PDSS2: variants seen among roughly 807,000 people sequenced by gnomAD.
PDSS2 encodes the protein decaprenyl diphosphate synthase subunit 2.
In PDSS2, 31 loss-of-function variants were observed where a neutral mutation model predicts 44.5. The ratio of observed to expected loss-of-function variants is 0.70; its 90% CI spans 0.52 to 0.94. PDSS2 has a LOEUF of 0.94. PDSS2 is among the 40% of genes least tolerant of loss of function. The probability of loss-of-function intolerance (pLI) is 0.00; values close to 1 mark genes in which losing one functional copy is unlikely to be tolerated. For synonymous variants in PDSS2, 157 were observed against 180.3 expected, an observed-to-expected ratio of 0.87 and a Z score of 1.03; for missense variants, 452 against 482.2, an observed-to-expected ratio of 0.94 and a Z score of 0.59.
chr6:107,168,841 G>T (rs1462647060), intron 7 of PDSS2, among the ~76,000 whole-genome samples: 1 of 152,192 alleles, frequency 6.6e-6, no homozygotes, highest in Non-Finnish European at 1.5e-5. Context: ...TCTGCCGAGA[G>T]ATCCGCTGTT....
intron 1 of PDSS2, among the ~76,000 whole-genome samples, chr6:107,343,499 A>G (rs1033278171): frequency 6.6e-6 from 1 of 152,232 alleles, no homozygotes; most frequent in African/African-American, 2.4e-5. Context: ...CTGAAAACAT[A>G]ATGTAAAATT....
chr6:107,206,194 C>T (rs1436942815), intron 6 of PDSS2, among the ~76,000 whole-genome samples: 2 of 152,154 alleles, frequency 1.3e-5, no homozygotes, highest in Non-Finnish European at 2.9e-5. Context: ...GTCTCAGCCT[C>T]CCGAGTAGCT....
intron 1 of PDSS2, among the ~76,000 whole-genome samples, chr6:107,438,201 G>A (rs1323683913): frequency 6.6e-6 from 1 of 151,940 alleles, no homozygotes; most frequent in Non-Finnish European, 1.5e-5. Flanking sequence ...ACTTAGATCT[G>A]TTTTTATTTT....
At chr6:107,168,476 A>AT (rs761087138) in intron 7 of PDSS2, among the ~76,000 whole-genome samples, 169 of 151,852 alleles carry the variant, frequency 1.1e-3, no homozygotes, top group Non-Finnish European at 2.1e-3. Flanking sequence ...GCCCATTTAC[A>AT]TTTAAGGTTA....
intron 3 of PDSS2, among the ~76,000 whole-genome samples, chr6:107,260,567 TTA>T (rs2114876840): frequency 6.6e-6 from 1 of 152,250 alleles, no homozygotes; most frequent in Non-Finnish European, 1.5e-5. Context: ...TATGGCAATA[TTA>T]TATATAATAC....
intron 4 of PDSS2, among the ~76,000 whole-genome samples, chr6:107,240,098 C>T (rs767450980): frequency 4.6e-5 from 7 of 151,992 alleles, no homozygotes; most frequent in African/African-American, 1.7e-4. Flanking sequence ...AACTGGGGAA[C>T]TCTTGACCAT....
intron 1 of PDSS2, among the ~76,000 whole-genome samples, chr6:107,363,494 C>T (rs192886161): frequency 8.0e-4 from 122 of 151,876 alleles, no homozygotes; most frequent in African/African-American, 2.8e-3. Context: ...TGGAGTTGTT[C>T]GTTCCATCCC....
intron 2 of PDSS2, among the ~76,000 whole-genome samples, chr6:107,297,963 C>G (rs1776566512): frequency 6.6e-6 from 1 of 152,182 alleles, no homozygotes; most frequent in Non-Finnish European, 1.5e-5. Context: ...CCAGGCTGGT[C>G]TCGAACTCCT....
At chr6:107,457,633 A>C (rs562455543) in intron 1 of PDSS2, among the ~76,000 whole-genome samples, 25 of 152,310 alleles carry the variant, frequency 1.6e-4, no homozygotes, top group African/African-American at 6.0e-4. Flanking sequence ...AAATTGCCCC[A>C]GTTGAGAACC....
intron 7 of PDSS2, among the ~76,000 whole-genome samples, chr6:107,191,602 A>G (rs1772382500): frequency 1.3e-5 from 2 of 152,104 alleles, no homozygotes; most frequent in African/African-American, 4.8e-5. Context: ...CGACGCACCA[A>G]TGTAGACTCA....
At chr6:107,162,628 G>C (rs1334759976) in intron 7 of PDSS2, among the ~76,000 whole-genome samples, 1 of 35,454 alleles carries the variant, frequency 2.8e-5, no homozygotes, top group African/African-American at 1.9e-4. Context: ...TTTTTTTTGA[G>C]ATGGAGTCTC....
intron 6 of PDSS2, among the ~76,000 whole-genome samples, chr6:107,209,974 T>C (rs529285809): frequency 3.4e-4 from 52 of 151,806 alleles, no homozygotes; most frequent in Non-Finnish European, 6.9e-4. Flanking sequence ...CCATGCTTTT[T>C]TCCCCCCCGC....
intron 2 of PDSS2, among the ~76,000 whole-genome samples, chr6:107,316,660 A>G (rs1777211183): frequency 6.6e-6 from 1 of 152,078 alleles, no homozygotes; most frequent in Non-Finnish European, 1.5e-5. Context: ...AACAGGCCCT[A>G]TATATCTACT....
rs76824861 is a variant in PDSS2 at position 107,200,327 on chromosome 6, A to C, written c.1009-6473T>G. ...TTTTTACATTTTTGTATAGGCCTTC[A>C]TTTCTTGATCTGTAGAACACCAGAC... On this transcript the variant is annotated intron_variant, in intron 6 of 7. Coordinates refer to ENST00000369037, the MANE Select transcript of PDSS2 (RefSeq NM_020381.4). Among the ~76,000 whole-genome samples, 443 of 152,186 alleles carry C rather than the reference A, an allele frequency of 2.9e-3. 8 individuals are homozygous for C. In the South Asian group the frequency reaches 0.039, roughly 13 times the overall value.
chr6:107,248,230 C>A (rs1014887630), intron 3 of PDSS2, among the ~76,000 whole-genome samples: 1 of 151,956 alleles, frequency 6.6e-6, no homozygotes, highest in Non-Finnish European at 1.5e-5. Context: ...CATATTCCCC[C>A]CTCAGATTCT....
At chr6:107,275,243 G>GA (rs1450029887) in intron 2 of PDSS2, among the ~76,000 whole-genome samples, 3 of 152,064 alleles carry the variant, frequency 2.0e-5, no homozygotes, top group South Asian at 2.1e-4. Flanking sequence ...TTTATAGTCA[G>GA]AAAAAATCAA....
chr6:107,249,975 A>G (rs947161583), intron 3 of PDSS2, among the ~76,000 whole-genome samples: 13 of 152,228 alleles, frequency 8.5e-5, no homozygotes, highest in African/African-American at 3.1e-4. Context: ...GACAAATTTC[A>G]GCAATCTCAG....
chr6:107,208,659 G>A (rs747156387), intron 6 of PDSS2, among the ~76,000 whole-genome samples: 1 of 144,244 alleles, frequency 6.9e-6, no homozygotes, highest in Non-Finnish European at 1.5e-5. Context: ...GCTCAGGCTA[G>A]AGTGCAATGG....
chr6:107,336,863 TGTGTGTGTGTGTGTGTG>T (rs1777914386), intron 1 of PDSS2, among the ~76,000 whole-genome samples: 1 of 144,232 alleles, frequency 6.9e-6, no homozygotes, highest in Admixed American at 6.8e-5. Context: ...TGTGTGTGTG[TGTGTGTGTGTGTGTGTG>T]TTCGGGGCTG....
Sources: gnomAD v4.1 joint callset for allele counts (sites outside exome capture counted in the v4.1 genomes callset) on GRCh38, gnomAD v4.1.1 for gene constraint, MANE v1.5 for transcripts, NCBI Gene and HGNC (gene_info 2026-07-23, HGNC 2026-07-21) for gene names.